FTO: variants seen among roughly 807,000 people sequenced by gnomAD.
The protein encoded by FTO is alpha-ketoglutarate-dependent dioxygenase FTO.
A neutral mutation model predicts 63.9 loss-of-function variants in FTO; 47 were observed. The ratio of observed to expected loss-of-function variants is 0.74; its 90% CI spans 0.58 to 0.94. FTO has a LOEUF of 0.94. Ranked by LOEUF, FTO falls within the 40% of genes least tolerant of loss-of-function variation. FTO has a pLI of 0.00. For missense variants in FTO, 562 were observed against 618.1 expected (o/e 0.91, Z 0.96); for synonymous variants, 207 against 224.4 (o/e 0.92, Z 0.69).
At chr16:54,067,172 TAA>T (rs5816921) in intron 8 of FTO, among the ~76,000 whole-genome samples, 2,086 of 148,296 alleles carry the variant, frequency 0.014, 30 homozygotes, top group African/African-American at 0.048. Flanking sequence ...TGAATAGACT[TAA>T]AAAAAAAAAC....
At chr16:54,018,817 C>G (rs913170887) in intron 8 of FTO, among the ~76,000 whole-genome samples, 1 of 152,146 alleles carries the variant, frequency 6.6e-6, no homozygotes, top group African/African-American at 2.4e-5. Flanking sequence ...GTCAATTAAA[C>G]CTCTTTCCTT....
intron 8 of FTO, among the ~76,000 whole-genome samples, chr16:54,038,753 C>T (rs1246513389): frequency 1.3e-5 from 2 of 152,210 alleles, no homozygotes; most frequent in African/African-American, 2.4e-5. Context: ...CATGCCTGTA[C>T]CCTCTTCGCC....
chr16:53,984,856 A>C, intron 8 of FTO: 1 of 443,852 alleles, frequency 2.3e-6, no homozygotes, highest in Non-Finnish European at 4.5e-6. Flanking sequence ...TGTCTTTTGG[A>C]TTGTTTAGCT....
chr16:53,905,335 G>A (rs1313867349), intron 7 of FTO, among the ~76,000 whole-genome samples: 1 of 152,190 alleles, frequency 6.6e-6, no homozygotes, highest in East Asian at 1.9e-4. Flanking sequence ...GTCATATGGA[G>A]AGTCTCAAGT....
chr16:53,750,230 T>C (rs916248739), intron 1 of FTO, among the ~76,000 whole-genome samples: 2 of 152,150 alleles, frequency 1.3e-5, no homozygotes, highest in Non-Finnish European at 2.9e-5. Flanking sequence ...TTTCTTTTTC[T>C]TTTTCTTTTC....
chr16:53,859,854 T>C (rs60136161), intron 4 of FTO, among the ~76,000 whole-genome samples: 57,420 of 152,032 alleles, frequency 0.38, 14,004 homozygotes, highest in East Asian at 0.76. Flanking sequence ...TAAATTGGTA[T>C]AGCCATTGTG....
intron 8 of FTO, among the ~76,000 whole-genome samples, chr16:53,955,617 G>A (rs562287678): frequency 7.9e-5 from 12 of 152,340 alleles, no homozygotes; most frequent in African/African-American, 2.2e-4. Context: ...TATTTACAAA[G>A]TATACGGAAA....
At chr16:53,714,718 A>G (rs1347761266) in intron 1 of FTO, among the ~76,000 whole-genome samples, 2 of 152,184 alleles carry the variant, frequency 1.3e-5, no homozygotes, top group Non-Finnish European at 2.9e-5. Context: ...TGGTAACACT[A>G]TTAATGAGAC....
intron 8 of FTO, among the ~76,000 whole-genome samples, chr16:54,009,015 C>G (rs1017156674): frequency 1.3e-5 from 2 of 151,546 alleles, no homozygotes; most frequent in African/African-American, 2.4e-5. Context: ...CTGTCCCCCC[C>G]CCAAAAAAAA....
At chr16:53,782,253 G>T (rs764430873) in intron 1 of FTO, among the ~76,000 whole-genome samples, 1 of 152,092 alleles carries the variant, frequency 6.6e-6, no homozygotes, top group South Asian at 2.1e-4. Flanking sequence ...ACTAATTTCC[G>T]GTTTCCATAA....
intron 2 of FTO, among the ~76,000 whole-genome samples, chr16:53,820,580 T>A (rs1157103878): frequency 6.6e-6 from 1 of 151,682 alleles, no homozygotes; most frequent in Non-Finnish European, 1.5e-5. Context: ...CTGCACCCAC[T>A]AACTCATCAT....
chr16:53,824,349 G>A (rs1213760393), intron 2 of FTO, among the ~76,000 whole-genome samples: 5 of 152,138 alleles, frequency 3.3e-5, no homozygotes, highest in African/African-American at 4.8e-5. Flanking sequence ...GGCTTCTCTG[G>A]TCTGTCTTTC....
chr16:54,061,394 C>T (rs2085567059), intron 8 of FTO, among the ~76,000 whole-genome samples: 1 of 152,184 alleles, frequency 6.6e-6, no homozygotes, highest in Non-Finnish European at 1.5e-5. Flanking sequence ...TCCCATCAAA[C>T]CATGTCAGCC....
intron 8 of FTO, among the ~76,000 whole-genome samples, chr16:53,975,020 G>A (rs1289071342): frequency 6.6e-6 from 1 of 152,034 alleles, no homozygotes; most frequent in Admixed American, 6.6e-5. Flanking sequence ...TAATACTAGA[G>A]ATTTGTTTTT....
intron 2 of FTO, among the ~76,000 whole-genome samples, chr16:53,818,589 AATG>A (rs2078764420): frequency 6.6e-6 from 1 of 152,134 alleles, no homozygotes; most frequent in Non-Finnish European, 1.5e-5. Context: ...AGAAAATCAA[AATG>A]ATGCTCAAGT....
intron 8 of FTO, among the ~76,000 whole-genome samples, chr16:54,009,781 A>G (rs1287957812): frequency 6.6e-6 from 1 of 152,112 alleles, no homozygotes. Context: ...TTCTGCTTTG[A>G]ATTCAGCAAG....
chr16:53,752,863 A>G (rs2076831314), intron 1 of FTO, among the ~76,000 whole-genome samples: 1 of 152,196 alleles, frequency 6.6e-6, no homozygotes, highest in Non-Finnish European at 1.5e-5. Flanking sequence ...ATAAAAAGTA[A>G]ACCCATTCCC....
chr16:53,969,795 G>A (rs1049091934), intron 8 of FTO, among the ~76,000 whole-genome samples: 1 of 152,150 alleles, frequency 6.6e-6, no homozygotes, highest in African/African-American at 2.4e-5. Context: ...AGAAAGCCTC[G>A]CCCGTAACCT....
chr16:53,869,541 G>GTT (rs35983302), intron 4 of FTO, among the ~76,000 whole-genome samples: 4,522 of 125,138 alleles, frequency 0.036, 301 homozygotes, highest in African/African-American at 0.13. Flanking sequence ...CCATAGTTCT[G>GTT]TTTTTTTTTT....
Sources: gnomAD v4.1 joint callset for allele counts (sites outside exome capture counted in the v4.1 genomes callset) on GRCh38, gnomAD v4.1.1 for gene constraint, MANE v1.5 for transcripts, NCBI Gene and HGNC (gene_info 2026-07-23, HGNC 2026-07-21) for gene names.